The following TDRD3 variants were observed in gnomAD, a reference collection of about 807,000 sequenced individuals.
The protein encoded by TDRD3 is tudor domain-containing protein 3.
A neutral mutation model predicts 86.7 loss-of-function variants in TDRD3; 45 were observed. That is an observed-to-expected ratio of 0.52 (90% CI 0.41 to 0.67). TDRD3 has a LOEUF of 0.67. TDRD3 is among the 30% of genes least tolerant of loss of function. TDRD3 has a pLI of 0.00. For missense variants in TDRD3, 814 were observed against 889.0 expected (o/e 0.92, Z 1.07); for synonymous variants, 298 against 301.7 (o/e 0.99, Z 0.13).
chr13:60,483,737 T>C (rs1406692332), intron 5 of TDRD3, 38 bp from the exon 6 acceptor site: 5 of 1,563,286 alleles, frequency 3.2e-6, no homozygotes, highest in Non-Finnish European at 4.4e-6. Flanking sequence ...ATATTTTTTA[T>C]GTATAACTGC....
chr13:60,446,428 T>C (rs1955400841), intron 3 of TDRD3, among the ~76,000 whole-genome samples: 1 of 152,082 alleles, frequency 6.6e-6, no homozygotes, highest in South Asian at 2.1e-4. Flanking sequence ...GATTTCTCCA[T>C]GTTGGCCAGT....
chr13:60,482,489 A>G (rs1316185852), intron 5 of TDRD3, among the ~76,000 whole-genome samples: 1 of 152,138 alleles, frequency 6.6e-6, no homozygotes, highest in African/African-American at 2.4e-5. Context: ...GCTTTTAATT[A>G]TGTAATGTTA....
chr13:60,421,284 T>A (rs1954650998), intron 1 of TDRD3, among the ~76,000 whole-genome samples: 1 of 152,100 alleles, frequency 6.6e-6, no homozygotes, highest in Admixed American at 6.5e-5. Flanking sequence ...CAAAGGCACA[T>A]CCTACATGGT....
At chr13:60,402,590 A>C (rs1362884064) in intron 1 of TDRD3, among the ~76,000 whole-genome samples, 1 of 152,194 alleles carries the variant, frequency 6.6e-6, no homozygotes, top group Non-Finnish European at 1.5e-5. Flanking sequence ...TCACATGTAC[A>C]AGACAGGCAG....
chr13:60,402,395 G>T lies in TDRD3; in HGVS notation c.41+4990G>T, dbSNP rs574562779. Among the ~76,000 whole-genome samples the T allele has an allele frequency of 9.2e-5, 14 of 152,278 alleles. 1 individual carries two copies. The highest frequency in any genetic ancestry group is 3.4e-4 in the African/African-American group (14 of 41,558). On this transcript the variant is annotated intron_variant, in intron 1 of 13. Coordinates refer to ENST00000377881, the MANE Select transcript of TDRD3 (RefSeq NM_001146070.2). ...TAATAGACATAAAATATGAGTTTAT[G>T]CATATAATAAGAGGGTATTAGAAGT...
At position 60,528,959 on chromosome 13, in the gene TDRD3, T is replaced by G. The variant is rs747643628; in HGVS notation, c.1734T>G (p.Val578=). The G allele has an allele frequency of 6.2e-7, 1 of 1,614,018 alleles. No homozygotes were observed. Among genetic ancestry groups the G allele is most frequent in the Non-Finnish European group, 8.5e-7 (1 of 1,179,974 alleles). Residue 578 remains valine (V), a synonymous_variant, in exon 11 of 14, where the codon GTT becomes GTG. Coordinates refer to ENST00000377881, the MANE Select transcript of TDRD3 (RefSeq NM_001146070.2). The part of the protein sequence containing the change: ...FNVNTDYQNP[V]RSNSFIGVPN... ...TAAATACTGATTATCAGAATCCAGT[T>G]CGAAGTAATAGTTTCATTGGTGTTC...
intron 11 of TDRD3, among the ~76,000 whole-genome samples, chr13:60,531,516 T>TGGATAA (rs1275589138): frequency 3.3e-5 from 5 of 152,204 alleles, no homozygotes; most frequent in Non-Finnish European, 5.9e-5. Flanking sequence ...AATGTGGGGT[T>TGGATAA]ACTGGTGACC....
intron 5 of TDRD3, among the ~76,000 whole-genome samples, chr13:60,478,160 A>G (rs1446950662): frequency 6.6e-6 from 1 of 152,052 alleles, no homozygotes; most frequent in East Asian, 1.9e-4. Flanking sequence ...GTCTGTGTGC[A>G]TAGAGATGTT....
chr13:60,528,760 C>T lies in TDRD3; in HGVS notation c.1535C>T (p.Ser512Phe). The T allele has an allele frequency of 6.2e-7, 1 of 1,613,498 alleles. No individual in the cohort carries two copies. Among genetic ancestry groups the T allele is most frequent in the Non-Finnish European group, 8.5e-7 (1 of 1,179,834 alleles). Residue 512 changes from serine (S) to phenylalanine (F), a missense_variant, in exon 11 of 14, where the codon TCC becomes TTC. Physicochemically the swap from Ser to Phe is radical, Grantham distance 155. Coordinates refer to ENST00000377881, the MANE Select transcript of TDRD3 (RefSeq NM_001146070.2). ...SMQSRSGKGP[S>F]FAEAKENPLP... ...CAAAGCAGATCAGGAAAAGGTCCCT[C>T]CTTTGCAGAGGCAAAAGAAAATCCA...
chr13:60,475,192 T>C (rs1956159529), intron 5 of TDRD3, among the ~76,000 whole-genome samples: 1 of 152,142 alleles, frequency 6.6e-6, no homozygotes. Flanking sequence ...ATCACCCATG[T>C]AGTGAGCATA....
chr13:60,484,843 A>G (rs1956394048), intron 6 of TDRD3: 4 of 336,348 alleles, frequency 1.2e-5, no homozygotes, highest in African/African-American at 2.2e-5. Context: ...ATAATAGTAT[A>G]TTTGTAAAAA....
At chr13:60,454,936 A>C (rs1955631229) in intron 3 of TDRD3, among the ~76,000 whole-genome samples, 1 of 152,026 alleles carries the variant, frequency 6.6e-6, no homozygotes, top group South Asian at 2.1e-4. Flanking sequence ...TGATTGAGAC[A>C]GAGTCTTGCT....
chr13:60,527,443 A>G (rs1957466843), intron 10 of TDRD3, among the ~76,000 whole-genome samples: 1 of 152,212 alleles, frequency 6.6e-6, no homozygotes, highest in Non-Finnish European at 1.5e-5. Flanking sequence ...TTGGGGAAAT[A>G]TAAGAATAAT....
intron 7 of TDRD3, among the ~76,000 whole-genome samples, chr13:60,492,285 G>C (rs577133283): frequency 3.9e-5 from 6 of 152,280 alleles, no homozygotes; most frequent in Non-Finnish European, 7.4e-5. Context: ...ATTTGGAGCA[G>C]GTGAGATTCC....
At chr13:60,414,647 T>C (rs1954448940) in intron 1 of TDRD3, among the ~76,000 whole-genome samples, 1 of 152,162 alleles carries the variant, frequency 6.6e-6, no homozygotes, top group East Asian at 1.9e-4. Context: ...CTAGTATGAA[T>C]AGGGCTGCCT....
intron 12 of TDRD3, among the ~76,000 whole-genome samples, chr13:60,549,276 C>G (rs767724646): frequency 2.0e-5 from 3 of 152,040 alleles, no homozygotes; most frequent in Non-Finnish European, 4.4e-5. Flanking sequence ...TAGTTTCTAG[C>G]TGCAAGAAAA....
chr13:60,418,607 T>C (rs1239301230), intron 1 of TDRD3, among the ~76,000 whole-genome samples: 1 of 152,210 alleles, frequency 6.6e-6, no homozygotes, highest in Non-Finnish European at 1.5e-5. Flanking sequence ...GCACAATTAA[T>C]GTACATTAAA....
chr13:60,402,383 A>G (rs1263197963), intron 1 of TDRD3, among the ~76,000 whole-genome samples: 1 of 152,240 alleles, frequency 6.6e-6, no homozygotes, highest in Non-Finnish European at 1.5e-5. Flanking sequence ...TAGACATAAA[A>G]TATGAGTTTA....
At chr13:60,552,533 G>A (rs530453183) in intron 12 of TDRD3, among the ~76,000 whole-genome samples, 1 of 152,344 alleles carries the variant, frequency 6.6e-6, no homozygotes, top group Non-Finnish European at 1.5e-5. Flanking sequence ...GCTATAGGTG[G>A]ATCTGCCATT....
Sources: allele counts gnomAD v4.1 joint callset (sites outside exome capture counted in the v4.1 genomes callset), GRCh38; gene constraint gnomAD v4.1.1; transcripts MANE v1.5; gene names NCBI Gene and HGNC (gene_info 2026-07-23, HGNC 2026-07-21).